Variants in TNR observed in about 807,000 individuals in gnomAD.
TNR encodes the protein tenascin R, also known as tenascin-R.
A neutral mutation model predicts 150.4 loss-of-function variants in TNR; 45 were observed. The observed-to-expected ratio is 0.30, with a 90% CI of 0.24 to 0.38. The LOEUF is 0.38. Ranked by LOEUF, TNR falls within the 10% of genes least tolerant of loss-of-function variation. The pLI is 1.00. For missense variants in TNR, 1,544 were observed against 1,759.1 expected (o/e 0.88, Z 2.19); for synonymous variants, 687 against 678.4 (o/e 1.01, Z -0.20).
At chr1:175,604,575 G>A (rs1663353732) in intron 1 of TNR, among the ~76,000 whole-genome samples, 1 of 152,208 alleles carries the variant, frequency 6.6e-6, no homozygotes, top group Non-Finnish European at 1.5e-5. Flanking sequence ...GGAAAGGGAA[G>A]CAGAGACAGA....
At chr1:175,367,875 C>T (rs1052878742) in intron 9 of TNR, among the ~76,000 whole-genome samples, 3 of 152,098 alleles carry the variant, frequency 2.0e-5, no homozygotes, top group Admixed American at 6.5e-5. Flanking sequence ...GTAGGCCCCC[C>T]GCCAAGTTCA....
chr1:175,362,541 G>C, intron 14 of TNR, 122 bp downstream of exon 14: 1 of 1,235,944 alleles, frequency 8.1e-7, no homozygotes, highest in African/African-American at 1.5e-5. Context: ...GCAAGACACA[G>C]TGAGTTGGAG....
chr1:175,599,331 C>A lies in TNR; in HGVS notation c.-164-70962G>T, dbSNP rs1343532069. The stretch of plus-strand genomic sequence containing the variant: ...TCGCAGCAACGCTAACGGGGCAGAC[C>A]GCATAGGGGCCCTGAGAGGCACACA... On this transcript the variant is annotated intron_variant, in intron 1 of 22. Transcript: ENST00000367674. The surrounding 1 kb of genome is among the most constrained non-coding windows in gnomAD (Gnocchi z 4.7). 1.3e-5 allele frequency among the ~76,000 whole-genome samples: 2 copies of A among 152,186 alleles called. No individual in the cohort carries two copies. Among genetic ancestry groups the A allele is most frequent in the Non-Finnish European group, 2.9e-5 (2 of 68,028 alleles).
At chr1:175,390,544 CT>C (rs1465101694) in intron 7 of TNR, among the ~76,000 whole-genome samples, 1 of 152,204 alleles carries the variant, frequency 6.6e-6, no homozygotes, top group African/African-American at 2.4e-5. Context: ...GTTGAACACT[CT>C]TTGTTAGCTG....
rs1652409109 is a variant in TNR, at chr1:175,376,835, T to C, written c.1963+2717A>G. 1.4e-5 allele frequency among the ~76,000 whole-genome samples: 2 copies of C among 146,418 alleles called. 1 individual carries two copies. Among genetic ancestry groups the C allele is most frequent in the Admixed American group, 1.4e-4 (2 of 14,086 alleles). On this transcript the variant is annotated intron_variant, in intron 9 of 22. Transcript: ENST00000367674. ...CTCAGCAGTGAACTCCCTGAGATAATTATGTGTAATATATAAATGTAATAT... is the reference window on the plus strand; with the variant it reads ...CTCAGCAGTGAACTCCCTGAGATAACTATGTGTAATATATAAATGTAATAT...
At chr1:175,735,206 C>T (rs1302673651) in intron 1 of TNR, among the ~76,000 whole-genome samples, 1 of 152,196 alleles carries the variant, frequency 6.6e-6, no homozygotes, top group African/African-American at 2.4e-5. Flanking sequence ...ATCTCTCCTC[C>T]CAGCACCTGG....
chr1:175,462,246 A>G (rs1212775286), intron 2 of TNR, among the ~76,000 whole-genome samples: 1 of 152,214 alleles, frequency 6.6e-6, no homozygotes, highest in Non-Finnish European at 1.5e-5. Context: ...TATTTGGTGT[A>G]TGTGGAAGAT....
chr1:175,428,605 C>T (rs987339426), intron 2 of TNR, among the ~76,000 whole-genome samples: 1 of 152,154 alleles, frequency 6.6e-6, no homozygotes, highest in African/African-American at 2.4e-5. Context: ...CGAGATTACA[C>T]ATTTGTTCAA....
At chr1:175,674,450 C>T (rs1408503194) in intron 1 of TNR, among the ~76,000 whole-genome samples, 2 of 152,212 alleles carry the variant, frequency 1.3e-5, no homozygotes, top group South Asian at 2.1e-4. Context: ...CAGGCTTAAG[C>T]TGTCAATCTT....
At chr1:175,689,714 A>T (rs1666303194) in intron 1 of TNR, among the ~76,000 whole-genome samples, 1 of 152,184 alleles carries the variant, frequency 6.6e-6, no homozygotes, top group African/African-American at 2.4e-5. Flanking sequence ...TGCACATTTT[A>T]ATGGCACTGC....
Position 175,743,519 on chromosome 1 carries a change from C to T in TNR, c.-458G>A, listed in dbSNP as rs1398953936. On this transcript the variant is annotated 5_prime_UTR_variant, in exon 1 of 23. Transcript: ENST00000367674. ...TGGGTCAGAGAGGACCCCCTTCTCTCACTCTCCCTGGGTCTGCCCGTCTCC... is the reference window on the plus strand; with the variant it reads ...TGGGTCAGAGAGGACCCCCTTCTCTTACTCTCCCTGGGTCTGCCCGTCTCC... 2 of 152,302 alleles carry T rather than the reference C, an allele frequency of 1.3e-5. No individual in the cohort carries two copies. Among genetic ancestry groups the T allele is most frequent in the East Asian group, 3.9e-4 (2 of 5,182 alleles). 9.4% of individuals were successfully genotyped at this position (152,302 alleles called of 1,614,324 possible).
rs75794613 is a variant in TNR at position 175,548,234 on chromosome 1, T to C, written c.-164-19865A>G. Reference sequence around the variant, plus strand: ...TTTTAGAACCCCATGTCTACAGTTTTAGAACCCTGTCTCTCCACTCTCCTT... The same window carrying C: ...TTTTAGAACCCCATGTCTACAGTTTCAGAACCCTGTCTCTCCACTCTCCTT... On this transcript the variant is annotated intron_variant, in intron 1 of 22. Coordinates refer to ENST00000367674, the MANE Select transcript of TNR (RefSeq NM_003285.3). Among the ~76,000 whole-genome samples, 925 of 152,246 alleles carry C rather than the reference T, an allele frequency of 6.1e-3. 7 individuals carry two copies. Among genetic ancestry groups the C allele is most frequent in the African/African-American group, 0.021 (879 of 41,542 alleles).
At chr1:175,684,256 G>A (rs963839459) in intron 1 of TNR, among the ~76,000 whole-genome samples, 1 of 152,168 alleles carries the variant, frequency 6.6e-6, no homozygotes, top group Non-Finnish European at 1.5e-5. Flanking sequence ...AGCTTCGACT[G>A]TCTCAGGCCC....
At chr1:175,685,853 G>GTTT (rs11435846) in intron 1 of TNR, among the ~76,000 whole-genome samples, 84 of 147,882 alleles carry the variant, frequency 5.7e-4, no homozygotes, top group African/African-American at 2.0e-3. Flanking sequence ...ACCATTAGCT[G>GTTT]TTTTTTTTTT....
intron 1 of TNR, among the ~76,000 whole-genome samples, chr1:175,542,878 C>T (rs972652682): frequency 1.6e-4 from 24 of 152,276 alleles, no homozygotes; most frequent in African/African-American, 4.8e-4. Flanking sequence ...TTCACCCTTG[C>T]TAACTCATTT....
At chr1:175,386,653 TG>T (rs3216844) in intron 7 of TNR, among the ~76,000 whole-genome samples, 101,318 of 151,866 alleles carry the variant, frequency 0.67, 33,990 homozygotes, top group East Asian at 0.83. Flanking sequence ...ACTGGGTTTC[TG>T]GCGTGTGTCT....
chr1:175,326,302 T>G (rs1649390061), intron 21 of TNR, among the ~76,000 whole-genome samples: 5 of 152,154 alleles, frequency 3.3e-5, no homozygotes. Context: ...TGCTACTTAT[T>G]GAATGAAAGA....
Position 175,481,802 on chromosome 1 carries a change from G to A in TNR, c.-64+46467C>T, listed in dbSNP as rs149526823. ...ACTCTGGTATCCTGAATAGGAACTTGGGAATCTAGATTGACGCAGAACTTT... is the reference window on the plus strand; with the variant it reads ...ACTCTGGTATCCTGAATAGGAACTTAGGAATCTAGATTGACGCAGAACTTT... On this transcript the variant is annotated intron_variant, in intron 2 of 22. Coordinates refer to ENST00000367674, the MANE Select transcript of TNR (RefSeq NM_003285.3). 9.9e-5 allele frequency among the ~76,000 whole-genome samples: 15 copies of A among 152,274 alleles called. No individual in the cohort carries two copies. In the East Asian group the frequency reaches 2.9e-3, roughly 29 times the overall value.
chr1:175,727,246 C>T (rs1328706673), intron 1 of TNR, among the ~76,000 whole-genome samples: 2 of 152,188 alleles, frequency 1.3e-5, no homozygotes, highest in East Asian at 3.9e-4. Context: ...TTTAAAACCC[C>T]AAATTTCTCC....
Sources: gnomAD v4.1 joint callset for allele counts (sites outside exome capture counted in the v4.1 genomes callset) on GRCh38, gnomAD v4.1.1 for gene constraint, Gnocchi (gnomAD v3.1) non-coding constraint, MANE v1.5 for transcripts, NCBI Gene and HGNC (gene_info 2026-07-23, HGNC 2026-07-21) for gene names.